Variants in CDK6 observed in about 807,000 individuals in gnomAD.
The protein encoded by CDK6 is cyclin-dependent kinase 6.
In CDK6, 6 loss-of-function variants were observed where a neutral mutation model predicts 37.1. The ratio of observed to expected loss-of-function variants is 0.16; its 90% CI spans 0.09 to 0.32. The LOEUF is 0.32. Among genes scored for constraint, CDK6 ranks in the 10% least tolerant of loss-of-function variants. The pLI, the probability that CDK6 is intolerant of heterozygous loss-of-function variation, is 1.00. For missense variants in CDK6, 224 were observed against 418.9 expected (o/e 0.53, Z 4.06); for synonymous variants, 160 against 161.3 (o/e 0.99, Z 0.06).
At chr7:92,800,446 G>A (rs1800541165) in intron 2 of CDK6, among the ~76,000 whole-genome samples, 1 of 152,074 alleles carries the variant, frequency 6.6e-6, no homozygotes, top group African/African-American at 2.4e-5. Context: ...ACTTAATTTT[G>A]TCTTCTGAAC....
intron 2 of CDK6, among the ~76,000 whole-genome samples, chr7:92,790,590 G>A (rs1377510098): frequency 6.6e-6 from 1 of 152,216 alleles, no homozygotes; most frequent in African/African-American, 2.4e-5. Context: ...AGTGGGAAAA[G>A]TAGACAAAGT....
At chr7:92,741,787 C>T (rs1798931726) in intron 3 of CDK6, among the ~76,000 whole-genome samples, 2 of 152,066 alleles carry the variant, frequency 1.3e-5, no homozygotes, top group South Asian at 4.1e-4. Context: ...CGGCATAGTA[C>T]TTCAGAGTTT....
intron 4 of CDK6, among the ~76,000 whole-genome samples, chr7:92,706,275 T>G (rs1381394678): frequency 6.6e-6 from 1 of 152,228 alleles, no homozygotes; most frequent in African/African-American, 2.4e-5. Flanking sequence ...GGCTCACACC[T>G]GTAATCCCAG....
At chr7:92,684,051 CAGA>C (rs1209394765) in intron 4 of CDK6, among the ~76,000 whole-genome samples, 1 of 152,160 alleles carries the variant, frequency 6.6e-6, no homozygotes, top group African/African-American at 2.4e-5. Flanking sequence ...TTGTAAAGCA[CAGA>C]AGATGTAATG....
At chr7:92,751,919 C>A (rs1048028831) in intron 3 of CDK6, among the ~76,000 whole-genome samples, 1 of 151,872 alleles carries the variant, frequency 6.6e-6, no homozygotes, top group Non-Finnish European at 1.5e-5. Flanking sequence ...CCAGAGGGCA[C>A]GGAAATGCTA....
intron 4 of CDK6, among the ~76,000 whole-genome samples, chr7:92,690,684 A>T (rs1355770349): frequency 1.3e-5 from 2 of 152,228 alleles, no homozygotes; most frequent in Non-Finnish European, 2.9e-5. Context: ...GTTGAAAAGC[A>T]CTACTCTATG....
chr7:92,765,102 G>A (rs571968147), intron 3 of CDK6, among the ~76,000 whole-genome samples: 20 of 152,142 alleles, frequency 1.3e-4, no homozygotes, highest in African/African-American at 4.6e-4. Flanking sequence ...TGGGAATGGG[G>A]AAGACAGCAT....
chr7:92,664,575 G>A (rs1796913896), intron 5 of CDK6, among the ~76,000 whole-genome samples: 1 of 152,166 alleles, frequency 6.6e-6, no homozygotes, highest in Admixed American at 6.5e-5. Context: ...GACAAGCCTA[G>A]AGAGGCCACC....
intron 4 of CDK6, among the ~76,000 whole-genome samples, chr7:92,686,637 A>G (rs995565528): frequency 6.6e-6 from 1 of 152,136 alleles, no homozygotes; most frequent in Non-Finnish European, 1.5e-5. Flanking sequence ...TCCTTTGGGT[A>G]GATACCCAGG....
At chr7:92,744,334 A>G (rs1403351032) in intron 3 of CDK6, among the ~76,000 whole-genome samples, 1 of 152,214 alleles carries the variant, frequency 6.6e-6, no homozygotes, top group Non-Finnish European at 1.5e-5. Flanking sequence ...ATGAAAGCCA[A>G]GCAAAATGGG....
intron 4 of CDK6, among the ~76,000 whole-genome samples, chr7:92,706,659 A>G (rs1162344685): frequency 6.6e-6 from 1 of 152,218 alleles, no homozygotes; most frequent in African/African-American, 2.4e-5. Context: ...TAGTGGTTGA[A>G]AGTAAGCAAG....
rs923334804 is a variant in CDK6 at position 92,834,985 on chromosome 7, C to G, written c.-367-1295G>C. On this transcript the variant is annotated intron_variant, in intron 1 of 7. Transcript: ENST00000424848. The surrounding 1 kb of genome is among the most constrained non-coding windows in gnomAD (Gnocchi z 4.6). ...CGCGGCCTCGGCAGGACTTTCACCACGACGGCCGCATGTCCGGAATTCCCG... is the reference window on the plus strand; with the variant it reads ...CGCGGCCTCGGCAGGACTTTCACCAGGACGGCCGCATGTCCGGAATTCCCG... The G allele has an allele frequency of 6.6e-6, 1 of 152,264 alleles. No individual in the cohort carries two copies. Among genetic ancestry groups the G allele is most frequent in the Non-Finnish European group, 1.5e-5 (1 of 68,080 alleles). The allele number at this position is 152,264 out of a possible 1,614,324, so 9.4% of individuals were successfully genotyped here.
chr7:92,669,372 T>C (rs1174369083), intron 5 of CDK6, among the ~76,000 whole-genome samples: 2 of 152,244 alleles, frequency 1.3e-5, no homozygotes, highest in African/African-American at 4.8e-5. Flanking sequence ...TCCTTAGTAG[T>C]GAATACTTAA....
intron 5 of CDK6, among the ~76,000 whole-genome samples, chr7:92,666,919 G>T (rs1358704716): frequency 6.6e-6 from 1 of 152,056 alleles, no homozygotes; most frequent in Non-Finnish European, 1.5e-5. Flanking sequence ...AACAGTCTCA[G>T]CCAGGCCCTT....
chr7:92,774,883 C>T (rs1225059357), intron 2 of CDK6, 52 bp from the exon 3 acceptor site: 1 of 1,563,618 alleles, frequency 6.4e-7, no homozygotes, highest in Non-Finnish European at 8.7e-7. Flanking sequence ...AAAGAAGTAA[C>T]CTGTATGTTT....
chr7:92,613,579 T>G lies in CDK6; in HGVS notation c.*1561A>C. 4.3e-6 allele frequency: 1 copy of G among 233,572 alleles called. No homozygotes were observed. The highest frequency in any genetic ancestry group is 8.5e-6 in the Non-Finnish European group (1 of 118,056). 14.5% of individuals were successfully genotyped at this position (233,572 alleles called of 1,614,324 possible). On this transcript the variant is annotated 3_prime_UTR_variant, in exon 8 of 8. Transcript: ENST00000424848. ...TACAATGCCCAGGCCAGGCTGGCTC[T>G]GTAGAGAGCAGGAGTGAGCACAAGG...
intron 4 of CDK6, among the ~76,000 whole-genome samples, chr7:92,698,994 G>A (rs1288292446): frequency 6.6e-6 from 1 of 152,136 alleles, no homozygotes; most frequent in East Asian, 1.9e-4. Context: ...GAACATCAGA[G>A]ACCATGTCTC....
intron 4 of CDK6, among the ~76,000 whole-genome samples, chr7:92,709,093 GTCCCA>G (rs1365383519): frequency 6.6e-6 from 1 of 151,938 alleles, no homozygotes; most frequent in African/African-American, 2.4e-5. Flanking sequence ...TCCAGTTTCT[GTCCCA>G]TCTCATTCTT....
intron 4 of CDK6, among the ~76,000 whole-genome samples, chr7:92,688,988 A>G (rs144672953): frequency 3.9e-4 from 60 of 152,256 alleles, no homozygotes; most frequent in Middle Eastern, 3.4e-3. Flanking sequence ...CAGTGTACAC[A>G]TGCTGCCATT....
Sources: gnomAD v4.1 joint callset for allele counts (sites outside exome capture counted in the v4.1 genomes callset) on GRCh38, gnomAD v4.1.1 for gene constraint, Gnocchi (gnomAD v3.1) non-coding constraint, MANE v1.5 for transcripts, NCBI Gene and HGNC (gene_info 2026-07-23, HGNC 2026-07-21) for gene names.